The following FNBP1L variants were observed in gnomAD, a reference collection of about 807,000 sequenced individuals.
FNBP1L encodes formin binding protein 1 like, also known as formin-binding protein 1-like.
Under a neutral mutation model 91.2 loss-of-function variants are expected in FNBP1L, and 36 were observed. The ratio of observed to expected loss-of-function variants is 0.39; its 90% CI spans 0.30 to 0.52. The LOEUF is 0.52. FNBP1L is among the 20% of genes least tolerant of loss of function. The pLI is 0.66. For synonymous variants in FNBP1L, 242 were observed against 237.0 expected (o/e 1.02, Z -0.19); for missense variants, 571 against 732.1 (o/e 0.78, Z 2.54).
At chr1:93,516,176 G>A (rs573998760) in intron 2 of FNBP1L, among the ~76,000 whole-genome samples, 1 of 151,184 alleles carries the variant, frequency 6.6e-6, no homozygotes, top group South Asian at 2.1e-4. Flanking sequence ...GATTAAAGGA[G>A]TACTGTGTCA....
chr1:93,510,082 A>G (rs1040684517), intron 2 of FNBP1L, among the ~76,000 whole-genome samples: 10 of 152,188 alleles, frequency 6.6e-5, no homozygotes, highest in South Asian at 2.1e-4. Context: ...CAAAGCAGCC[A>G]GGAAGCTCAA....
intron 2 of FNBP1L, among the ~76,000 whole-genome samples, chr1:93,502,810 G>C (rs1670481535): frequency 6.6e-6 from 1 of 152,214 alleles, no homozygotes; most frequent in African/African-American, 2.4e-5. Flanking sequence ...AATTATTGGA[G>C]TGTTGAAGTA....
At chr1:93,509,584 A>G (rs1416565955) in intron 2 of FNBP1L, among the ~76,000 whole-genome samples, 1 of 152,250 alleles carries the variant, frequency 6.6e-6, no homozygotes, top group Non-Finnish European at 1.5e-5. Context: ...ATGTTGATAT[A>G]TAAAATGTAG....
chr1:93,480,058 A>T (rs1669639653), intron 1 of FNBP1L, among the ~76,000 whole-genome samples: 1 of 152,186 alleles, frequency 6.6e-6, no homozygotes, highest in Non-Finnish European at 1.5e-5. Context: ...ATTATTAGGG[A>T]AGTGATAAAT....
At chr1:93,527,360 T>C (rs533567162) in intron 5 of FNBP1L, among the ~76,000 whole-genome samples, 1 of 152,020 alleles carries the variant, frequency 6.6e-6, no homozygotes, top group African/African-American at 2.4e-5. Context: ...TTTGGAAAAA[T>C]GGGGACAGGG....
intron 2 of FNBP1L, among the ~76,000 whole-genome samples, chr1:93,520,585 A>G (rs1671288052): frequency 6.6e-6 from 1 of 152,190 alleles, no homozygotes; most frequent in African/African-American, 2.4e-5. Flanking sequence ...CAAAGAGTCT[A>G]TGGACCCTTG....
chr1:93,512,673 C>G (rs1477758658), intron 2 of FNBP1L, among the ~76,000 whole-genome samples: 1 of 149,676 alleles, frequency 6.7e-6, no homozygotes, highest in Non-Finnish European at 1.5e-5. Context: ...TGAATGACTA[C>G]TGGGTACATA....
chr1:93,542,446 A>AG (rs1287601739), intron 11 of FNBP1L, among the ~76,000 whole-genome samples: 1 of 147,510 alleles, frequency 6.8e-6, no homozygotes, highest in Non-Finnish European at 1.5e-5. Flanking sequence ...GGTAAATGAA[A>AG]AAAAAAAAAA....
chr1:93,486,438 A>G (rs1669906493), intron 1 of FNBP1L, among the ~76,000 whole-genome samples: 2 of 150,078 alleles, frequency 1.3e-5, no homozygotes, highest in Non-Finnish European at 2.9e-5. Flanking sequence ...ATGGCTCTGT[A>G]GCAGAATACT....
chr1:93,473,148 T>G (rs1386733018), intron 1 of FNBP1L, among the ~76,000 whole-genome samples: 1 of 152,134 alleles, frequency 6.6e-6, no homozygotes, highest in African/African-American at 2.4e-5. Flanking sequence ...CTTTTATAAT[T>G]ATTGTATCTT....
Position 93,448,142 on chromosome 1 carries a change from G to A in FNBP1L, c.-140G>A, listed in dbSNP as rs1557768181. 4 of 1,080,242 alleles carry A rather than the reference G, an allele frequency of 3.7e-6. No homozygotes were observed. Among genetic ancestry groups the A allele is most frequent in the Non-Finnish European group, 5.2e-6 (4 of 762,560 alleles). 66.9% of individuals were successfully genotyped at this position (1,080,242 alleles called of 1,614,324 possible). A position where few individuals can be genotyped will look rare whatever the true frequency, so the allele number is the denominator to read the frequency against. On this transcript the variant is annotated 5_prime_UTR_variant, in exon 1 of 17. Transcript: ENST00000271234. The stretch of plus-strand genomic sequence containing the variant: ...CAGTCGCGTCTTTCTCACTCACTGG[G>A]GAGCCCGGCGGTGGCGGCACCTTTC...
intron 2 of FNBP1L, among the ~76,000 whole-genome samples, chr1:93,511,652 C>A (rs576964375): frequency 3.3e-5 from 5 of 152,308 alleles, no homozygotes; most frequent in African/African-American, 1.2e-4. Flanking sequence ...TTAAAAGACA[C>A]AGACTGGCAA....
At chr1:93,511,794 G>A (rs1294438101) in intron 2 of FNBP1L, among the ~76,000 whole-genome samples, 6 of 151,544 alleles carry the variant, frequency 4.0e-5, no homozygotes, top group Admixed American at 6.6e-5. Context: ...GTGAAACCCC[G>A]TCTCTACTGA....
At position 93,492,339 on chromosome 1, in the gene FNBP1L, A is replaced by T. The variant is rs148404562; in HGVS notation, c.25-7129A>T. On this transcript the variant is annotated intron_variant, in intron 1 of 16. Transcript: ENST00000271234. ...CATATTAGTAGGGTAGGTAGGAAGGACTTGATAAAAATTAGATAAAGGATA... is the reference window on the plus strand; with the variant it reads ...CATATTAGTAGGGTAGGTAGGAAGGTCTTGATAAAAATTAGATAAAGGATA... Among the ~76,000 whole-genome samples the T allele has an allele frequency of 3.3e-5, 5 of 152,296 alleles. No homozygotes were observed. The East Asian group carries it at 9.6e-4, about 29-fold the overall frequency.
Position 93,553,444 on chromosome 1 carries a change from A to G in FNBP1L, c.*1028A>G, listed in dbSNP as rs1005436860. 49 of 152,766 alleles carry G rather than the reference A, an allele frequency of 3.2e-4. No homozygotes were observed. The highest frequency in any genetic ancestry group is 1.1e-3 in the African/African-American group (47 of 41,576). The allele number at this position is 152,766 out of a possible 1,614,324, so 9.5% of individuals were successfully genotyped here. A position where few individuals can be genotyped will look rare whatever the true frequency, so the allele number is the denominator to read the frequency against. On this transcript the variant is annotated 3_prime_UTR_variant, in exon 17 of 17. Coordinates refer to ENST00000271234, the MANE Select transcript of FNBP1L (RefSeq NM_001164473.3). Reference sequence around the variant, plus strand: ...CTCGGTAGGTGGCTATTAGAGCTCTACCATATACAGTGGTGCATCTTCAAA... The same window carrying G: ...CTCGGTAGGTGGCTATTAGAGCTCTGCCATATACAGTGGTGCATCTTCAAA...
intron 1 of FNBP1L, among the ~76,000 whole-genome samples, chr1:93,494,580 G>T (rs1415836359): frequency 6.6e-6 from 1 of 152,138 alleles, no homozygotes; most frequent in African/African-American, 2.4e-5. Context: ...ATAAATTTAG[G>T]TATGATTGAA....
chr1:93,538,010 AATATT>A (rs1293726126), intron 10 of FNBP1L, among the ~76,000 whole-genome samples: 1 of 152,204 alleles, frequency 6.6e-6, no homozygotes, highest in Non-Finnish European at 1.5e-5. Flanking sequence ...GACTACACTA[AATATT>A]ATATTGTTAC....
chr1:93,466,799 G>A lies in FNBP1L; in HGVS notation c.24+18494G>A, dbSNP rs536850415. ...TCTATAAATTACTTTGGGCAGTATG[G>A]CCATTTTCCTGATACTGATTCTTCC... On this transcript the variant is annotated intron_variant, in intron 1 of 16. Coordinates refer to ENST00000271234, the MANE Select transcript of FNBP1L (RefSeq NM_001164473.3). Among the ~76,000 whole-genome samples, 39 of 152,210 alleles carry A rather than the reference G, an allele frequency of 2.6e-4. 1 individual carries two copies. The highest frequency in any genetic ancestry group is 1.4e-3 in the Admixed American group (21 of 15,290).
intron 1 of FNBP1L, among the ~76,000 whole-genome samples, chr1:93,482,249 A>T (rs1416306307): frequency 6.6e-6 from 1 of 152,146 alleles, no homozygotes; most frequent in East Asian, 1.9e-4. Flanking sequence ...CCTTATTTTC[A>T]TTTCTTCTTA....
Sources: allele counts gnomAD v4.1 joint callset (sites outside exome capture counted in the v4.1 genomes callset), GRCh38; gene constraint gnomAD v4.1.1; transcripts MANE v1.5; gene names NCBI Gene and HGNC (gene_info 2026-07-23, HGNC 2026-07-21).